Variants in NAV2 observed in about 807,000 individuals in gnomAD.
The protein encoded by NAV2 is neuron navigator 2.
In NAV2, 54 loss-of-function variants were observed where a neutral mutation model predicts 223.2. The observed-to-expected ratio is 0.24, with a 90% CI of 0.19 to 0.30. The LOEUF (loss-of-function observed/expected upper bound fraction) is 0.30. Among genes scored for constraint, NAV2 ranks in the 10% least tolerant of loss-of-function variants. The pLI, the probability that NAV2 is intolerant of heterozygous loss-of-function variation, is 1.00. For missense variants in NAV2, 2,806 were observed against 3,147.5 expected (o/e 0.89, Z 2.60); for synonymous variants, 1,279 against 1,239.3 (o/e 1.03, Z -0.67).
chr11:19,593,874 T>C (rs976883991), intron 1 of NAV2, among the ~76,000 whole-genome samples: 1 of 152,318 alleles, frequency 6.6e-6, no homozygotes, highest in South Asian at 2.1e-4. Flanking sequence ...CATTTACCCA[T>C]CTTCTGGTTG....
At chr11:19,533,831 C>T (rs900004068) in intron 1 of NAV2, among the ~76,000 whole-genome samples, 2 of 143,572 alleles carry the variant, frequency 1.4e-5, no homozygotes, top group Non-Finnish European at 3.0e-5. Flanking sequence ...CTCAGCCTCC[C>T]AAGTAGCTGG....
At chr11:19,779,349 C>T (rs1356636662) in intron 1 of NAV2, among the ~76,000 whole-genome samples, 2 of 152,218 alleles carry the variant, frequency 1.3e-5, no homozygotes, top group Non-Finnish European at 2.9e-5. Context: ...TGGGTCTTGG[C>T]GTCCAGATAG....
chr11:20,001,007 T>G (rs2052487741), intron 11 of NAV2, among the ~76,000 whole-genome samples: 1 of 152,178 alleles, frequency 6.6e-6, no homozygotes, highest in African/African-American at 2.4e-5. Context: ...CCTTTGTGGC[T>G]CTGTGTCACA....
intron 1 of NAV2, among the ~76,000 whole-genome samples, chr11:19,640,618 T>C (rs2047637834): frequency 6.6e-6 from 1 of 152,144 alleles, no homozygotes; most frequent in Non-Finnish European, 1.5e-5. Flanking sequence ...CTTCTATGCC[T>C]GAGAGAACAT....
At chr11:19,738,482 T>C (rs2052522957) in intron 1 of NAV2, among the ~76,000 whole-genome samples, 1 of 152,146 alleles carries the variant, frequency 6.6e-6, no homozygotes, top group Non-Finnish European at 1.5e-5. Context: ...ACGGAGACCA[T>C]AAGTGGATGG....
intron 1 of NAV2, among the ~76,000 whole-genome samples, chr11:19,598,950 C>T (rs558208828): frequency 2.0e-5 from 3 of 152,280 alleles, no homozygotes; most frequent in Admixed American, 2.0e-4. Flanking sequence ...TCTCTGAAAG[C>T]TTCCCCCCAT....
At chr11:19,844,474 A>G (rs1360117911) in intron 3 of NAV2, among the ~76,000 whole-genome samples, 1 of 152,214 alleles carries the variant, frequency 6.6e-6, no homozygotes, top group East Asian at 1.9e-4. Flanking sequence ...CTAATCTGAA[A>G]TATCTGGGAC....
At chr11:19,406,465 C>A (rs1385661714) in intron 1 of NAV2, among the ~76,000 whole-genome samples, 1 of 152,172 alleles carries the variant, frequency 6.6e-6, no homozygotes, top group Non-Finnish European at 1.5e-5. Context: ...CAGCGGGTGA[C>A]TTGGCCTAAA....
intron 1 of NAV2, among the ~76,000 whole-genome samples, chr11:19,543,540 G>A (rs577404948): frequency 6.6e-6 from 1 of 152,216 alleles, no homozygotes; most frequent in Non-Finnish European, 1.5e-5. Flanking sequence ...TTTGGGAAAG[G>A]TTCAGAATGG....
intron 1 of NAV2, among the ~76,000 whole-genome samples, chr11:19,489,842 C>CAGG (rs1460553253): frequency 6.6e-6 from 1 of 152,176 alleles, no homozygotes; most frequent in Non-Finnish European, 1.5e-5. Context: ...ACGGGATCCA[C>CAGG]AGGAGGCTGG....
At chr11:19,348,152 C>T (rs891211639), upstream of NAV2, among the ~76,000 whole-genome samples, 3 of 152,130 alleles carry the variant, frequency 2.0e-5, no homozygotes, top group Admixed American at 1.3e-4. Context: ...GGGGCGTGTG[C>T]GCCGGCTGGT....
chr11:19,998,211 C>A lies in NAV2; in HGVS notation c.2768+13964C>A, dbSNP rs189800593. Among the ~76,000 whole-genome samples, 73 of 152,142 alleles carry A rather than the reference C, an allele frequency of 4.8e-4. No homozygotes were observed. The highest frequency in any genetic ancestry group is 1.7e-3 in the African/African-American group (70 of 41,520). ...TTTCCTTCCAGTCGGCAAACTCCCC[C>A]CAAACAGTTTCAAATCTCTCAGCTT... On this transcript the variant is annotated intron_variant, in intron 11 of 37. Transcript: ENST00000349880. The surrounding 1 kb of genome is among the most constrained non-coding windows in gnomAD (Gnocchi z 5.0).
At chr11:19,434,112 A>G (rs996823661) in intron 1 of NAV2, among the ~76,000 whole-genome samples, 4 of 150,284 alleles carry the variant, frequency 2.7e-5, no homozygotes, top group Non-Finnish European at 4.5e-5. Context: ...AATGAGCCAA[A>G]AAAAAAAAAG....
upstream of NAV2, chr11:19,712,589 G>T (rs1380596017): frequency 6.6e-6 from 1 of 152,232 alleles, no homozygotes; most frequent in Non-Finnish European, 1.5e-5. Flanking sequence ...TCAAAAGAAG[G>T]GTTTCAGGAA....
At chr11:19,385,780 G>A (rs79568766) in intron 1 of NAV2, among the ~76,000 whole-genome samples, 1 of 51,632 alleles carries the variant, frequency 1.9e-5, no homozygotes, top group Non-Finnish European at 3.5e-5. Flanking sequence ...TTTTTTTTTT[G>A]AGACAGAGTC....
chr11:19,980,395 C>T (rs1031346680), intron 10 of NAV2, among the ~76,000 whole-genome samples: 4 of 152,202 alleles, frequency 2.6e-5, no homozygotes, highest in African/African-American at 9.6e-5. Flanking sequence ...TTATTTATCT[C>T]TCCAAGGAGA....
chr11:19,640,644 G>A (rs2047639102), intron 1 of NAV2, among the ~76,000 whole-genome samples: 1 of 152,162 alleles, frequency 6.6e-6, no homozygotes, highest in African/African-American at 2.4e-5. Context: ...GAAAAGAGAT[G>A]TGGTTCTAGG....
At chr11:19,616,773 C>A (rs77222809) in intron 1 of NAV2, among the ~76,000 whole-genome samples, 2,336 of 152,076 alleles carry the variant, frequency 0.015, 65 homozygotes, top group African/African-American at 0.054. Context: ...AAGATGGGTT[C>A]CTTTTTCCTT....
intron 1 of NAV2, among the ~76,000 whole-genome samples, chr11:19,631,497 T>A (rs2047344389): frequency 6.6e-6 from 1 of 152,212 alleles, no homozygotes; most frequent in South Asian, 2.1e-4. Flanking sequence ...AGTGTTTTTT[T>A]ATGGATTTAG....
Sources: gnomAD v4.1 joint callset for allele counts (sites outside exome capture counted in the v4.1 genomes callset) on GRCh38, gnomAD v4.1.1 for gene constraint, Gnocchi (gnomAD v3.1) non-coding constraint, MANE v1.5 for transcripts, NCBI Gene and HGNC (gene_info 2026-07-23, HGNC 2026-07-21) for gene names.